The following MED13L variants were observed in gnomAD, a reference collection of about 807,000 sequenced individuals.
The protein encoded by MED13L is mediator of RNA polymerase II transcription subunit 13-like.
MED13L carries 7 observed loss-of-function variants against 220.9 expected under a neutral mutation model. The observed-to-expected ratio is 0.03, with a 90% CI of 0.02 to 0.06. The LOEUF is 0.06. MED13L is among the 10% of genes least tolerant of loss of function. The pLI is 1.00. For missense variants in MED13L, 1,965 were observed against 2,760.5 expected, an observed-to-expected ratio of 0.71 and a Z score of 6.46; for synonymous variants, 1,011 against 1,015.2, an observed-to-expected ratio of 1.00 and a Z score of 0.08.
chr12:116,058,764 G>A (rs978594474), intron 4 of MED13L, among the ~76,000 whole-genome samples: 2 of 152,122 alleles, frequency 1.3e-5, no homozygotes, highest in East Asian at 1.9e-4. Flanking sequence ...TAGAGTAGAC[G>A]GTGGTTTATG....
chr12:116,108,808 A>T (rs1422950518), intron 3 of MED13L, among the ~76,000 whole-genome samples: 2 of 152,340 alleles, frequency 1.3e-5, no homozygotes, highest in South Asian at 2.1e-4. Flanking sequence ...TACAAATCAA[A>T]GTATGTAAAA....
At chr12:116,154,682 TA>T (rs1224745736) in intron 2 of MED13L, among the ~76,000 whole-genome samples, 1 of 152,198 alleles carries the variant, frequency 6.6e-6, no homozygotes, top group Non-Finnish European at 1.5e-5. Context: ...CAACATAGCA[TA>T]AAAGACACAT....
At chr12:116,135,699 C>G (rs1876481149) in intron 2 of MED13L, among the ~76,000 whole-genome samples, 1 of 151,966 alleles carries the variant, frequency 6.6e-6, no homozygotes, top group Admixed American at 6.6e-5. Flanking sequence ...GAACCAGGCT[C>G]GTGAGATGAA....
At chr12:115,990,431 T>C (rs745941289) in intron 17 of MED13L, among the ~76,000 whole-genome samples, 28 of 152,228 alleles carry the variant, frequency 1.8e-4, no homozygotes, top group Non-Finnish European at 2.2e-4. Context: ...CCATGATGCA[T>C]TGCAGTTTAG....
At chr12:116,006,168 A>G (rs1879034817) in intron 12 of MED13L, 138 bp downstream of exon 12, 1 of 1,256,772 alleles carries the variant, frequency 8.0e-7, no homozygotes, top group East Asian at 2.5e-5. Context: ...AAGGAACTGA[A>G]AAACAAACTA....
chr12:116,202,339 T>A (rs1054297726), intron 2 of MED13L, among the ~76,000 whole-genome samples: 11 of 152,210 alleles, frequency 7.2e-5, no homozygotes, highest in African/African-American at 2.7e-4. Flanking sequence ...AATAATGATT[T>A]TGGCAGATAT....
intron 1 of MED13L, among the ~76,000 whole-genome samples, chr12:116,246,496 CT>C (rs1871106569): frequency 6.6e-6 from 1 of 151,322 alleles, no homozygotes; most frequent in East Asian, 2.0e-4. Flanking sequence ...TAGGCAAAAA[CT>C]GTGGGGATGA....
chr12:116,255,268 A>G (rs1871938917), intron 1 of MED13L, among the ~76,000 whole-genome samples: 1 of 152,226 alleles, frequency 6.6e-6, no homozygotes, highest in Non-Finnish European at 1.5e-5. Context: ...CAAAGATTCT[A>G]AGGTCATTCA....
At chr12:116,059,249 G>A (rs779101075) in intron 4 of MED13L, among the ~76,000 whole-genome samples, 1 of 151,958 alleles carries the variant, frequency 6.6e-6, no homozygotes, top group Admixed American at 6.6e-5. Flanking sequence ...TTGTAGAGAT[G>A]GGGTCTCATT....
At chr12:116,059,068 ATT>A (rs1335170805) in intron 4 of MED13L, among the ~76,000 whole-genome samples, 2 of 152,054 alleles carry the variant, frequency 1.3e-5, no homozygotes, top group Non-Finnish European at 2.9e-5. Flanking sequence ...GCTTAAACAC[ATT>A]TTTCTTTTTT....
At chr12:116,254,481 G>A (rs778784854) in intron 1 of MED13L, among the ~76,000 whole-genome samples, 8 of 152,006 alleles carry the variant, frequency 5.3e-5, no homozygotes, top group Non-Finnish European at 1.0e-4. Context: ...AGGTGCAGTG[G>A]CTCACACCTG....
chr12:116,105,414 CA>C (rs1873477429), intron 3 of MED13L, among the ~76,000 whole-genome samples: 1 of 151,770 alleles, frequency 6.6e-6, no homozygotes, highest in South Asian at 2.1e-4. Flanking sequence ...TGCATTTTTC[CA>C]ACAAAAAAAG....
intron 28 of MED13L, among the ~76,000 whole-genome samples, chr12:115,968,251 A>G (rs1223932945): frequency 6.6e-6 from 1 of 152,212 alleles, no homozygotes; most frequent in Admixed American, 6.5e-5. Context: ...ATCTAACTGA[A>G]GCAAAGTTAC....
At chr12:116,137,919 C>G (rs369796402) in intron 2 of MED13L, among the ~76,000 whole-genome samples, 1 of 137,142 alleles carries the variant, frequency 7.3e-6, no homozygotes, top group Non-Finnish European at 1.5e-5. Flanking sequence ...TGCAATGGTG[C>G]GATCTCAGCT....
chr12:115,973,260 TAAG>T (rs1020026939), intron 25 of MED13L, among the ~76,000 whole-genome samples: 41 of 152,154 alleles, frequency 2.7e-4, no homozygotes, highest in African/African-American at 8.9e-4. Context: ...ACTCTGGAGA[TAAG>T]AAACAGAAAT....
At position 116,164,614 on chromosome 12, in the gene MED13L, A is replaced by C. The variant is rs1008136773; in HGVS notation, c.311-53102T>G. Among the ~76,000 whole-genome samples, 3 of 152,300 alleles carry C rather than the reference A, an allele frequency of 2.0e-5. No individual in the cohort carries two copies. The South Asian group carries it at 6.2e-4, about 32-fold the overall frequency. ...GGTCACAGTTGCCAAGGAAGAGGAC[A>C]CTAGTTTTCCACTATAGCTTAAGTA... On this transcript the variant is annotated intron_variant, in intron 2 of 30. Transcript: ENST00000281928.
chr12:116,188,987 G>A (rs1407944474), intron 2 of MED13L, among the ~76,000 whole-genome samples: 1 of 152,148 alleles, frequency 6.6e-6, no homozygotes, highest in African/African-American at 2.4e-5. Context: ...GCTGTTTCCA[G>A]TTTAGGCTTT....
intron 2 of MED13L, among the ~76,000 whole-genome samples, chr12:116,153,668 C>T (rs1296483962): frequency 1.3e-5 from 2 of 152,186 alleles, no homozygotes; most frequent in Non-Finnish European, 2.9e-5. Flanking sequence ...TTTTGAAAGA[C>T]ACAGACTAGA....
At chr12:116,207,155 C>A (rs1205453270) in intron 2 of MED13L, among the ~76,000 whole-genome samples, 3 of 151,740 alleles carry the variant, frequency 2.0e-5, no homozygotes, top group Non-Finnish European at 4.4e-5. Context: ...TTTTACTGCA[C>A]CTTTTTTTTT....
Sources: allele counts gnomAD v4.1 joint callset (sites outside exome capture counted in the v4.1 genomes callset), GRCh38; gene constraint gnomAD v4.1.1; transcripts MANE v1.5; gene names NCBI Gene and HGNC (gene_info 2026-07-23, HGNC 2026-07-21).